AKR1E2: variants seen among roughly 807,000 people sequenced by gnomAD.
AKR1E2 encodes 1,5-anhydro-D-fructose reductase.
A neutral mutation model predicts 41.9 loss-of-function variants in AKR1E2; 43 were observed. The ratio of observed to expected loss-of-function variants is 1.03; its 90% CI spans 0.80 to 1.32. The LOEUF (loss-of-function observed/expected upper bound fraction) is 1.32. Among genes scored for constraint, AKR1E2 ranks in the 40% most tolerant of loss-of-function variants. The pLI is 0.00. For missense variants in AKR1E2, 423 were observed against 396.5 expected (o/e 1.07, Z -0.57); for synonymous variants, 121 against 138.9 (o/e 0.87, Z 0.91).
intron 8 of AKR1E2, chr10:4,845,797 G>A (rs1389341869): frequency 4.2e-6 from 2 of 471,190 alleles, no homozygotes; most frequent in South Asian, 3.1e-5. Flanking sequence ...ACACTGAGGG[G>A]AAATGCCATC....
chr10:4,864,257 C>T, the AKR1E2 span, among the ~76,000 whole-genome samples: 3 of 152,198 alleles, frequency 2.0e-5, no homozygotes, highest in Admixed American at 1.3e-4. Context: ...AAAAGCTTAT[C>T]CACCATGATC....
chr10:4,842,399 T>A (rs934737363), intron 7 of AKR1E2, 22 bp from the exon 8 acceptor site: 1 of 1,610,236 alleles, frequency 6.2e-7, no homozygotes. Flanking sequence ...TGTGTGATAG[T>A]AGACTTTTTG....
intron 5 of AKR1E2, 108 bp from the exon 6 acceptor site, chr10:4,839,621 C>T (rs941715063): frequency 2.0e-5 from 19 of 965,548 alleles, no homozygotes; most frequent in Non-Finnish European, 2.9e-5. Context: ...GGAGCTGGGC[C>T]CCATGGCTAC....
the AKR1E2 span, among the ~76,000 whole-genome samples, chr10:4,863,434 C>T: frequency 5.5e-4 from 84 of 151,998 alleles, no homozygotes; most frequent in Non-Finnish European, 1.0e-3. Flanking sequence ...CACAACATAC[C>T]AGAATCTCTG....
chr10:4,866,118 G>C, the AKR1E2 span, among the ~76,000 whole-genome samples: 9 of 152,146 alleles, frequency 5.9e-5, no homozygotes, highest in Admixed American at 1.3e-4. Context: ...TCACTGTCCA[G>C]GCTAAATAGG....
Position 4,830,662 on chromosome 10 carries a change from G to T in AKR1E2, c.40-13G>T, listed in dbSNP as rs749297595. On this transcript the variant is annotated splice_polypyrimidine_tract_variant and intron_variant, in intron 1 of 9. Transcript: ENST00000298375. ...TGACTGTGAGAAGACACTTTGTTTT[G>T]TTGGTTTTGCAGGCTTCTCCAGGGA... 6 of 1,613,092 alleles carry T rather than the reference G, an allele frequency of 3.7e-6. No homozygotes were observed. The East Asian group carries it at 1.3e-4, about 36-fold the overall frequency.
At chr10:4,849,922 C>T (rs1368766127), downstream of AKR1E2, among the ~76,000 whole-genome samples, 13 of 152,196 alleles carry the variant, frequency 8.5e-5, no homozygotes, top group Non-Finnish European at 4.4e-5. Flanking sequence ...AAGACCTCTT[C>T]AACTTTGTAC....
At chr10:4,863,991 C>T in the AKR1E2 span, among the ~76,000 whole-genome samples, 1 of 152,058 alleles carries the variant, frequency 6.6e-6, no homozygotes. Context: ...CCAAAAAAAG[C>T]CCAGGACCAG....
At chr10:4,853,000 G>A (rs4363494), downstream of AKR1E2, among the ~76,000 whole-genome samples, 61,271 of 151,976 alleles carry the variant, frequency 0.4, 14,524 homozygotes, top group East Asian at 0.68. Flanking sequence ...GAACATTTAG[G>A]AAACCTCAGG....
intron 6 of AKR1E2, among the ~76,000 whole-genome samples, chr10:4,840,365 G>C (rs77905918): frequency 6.6e-6 from 1 of 152,114 alleles, no homozygotes; most frequent in Non-Finnish European, 1.5e-5. Flanking sequence ...TTTGTTTCAT[G>C]ATTTCATTTC....
downstream of AKR1E2, among the ~76,000 whole-genome samples, chr10:4,851,232 C>T (rs1274611618): frequency 1.3e-5 from 2 of 152,324 alleles, no homozygotes; most frequent in East Asian, 3.9e-4. Context: ...AGCATATTTT[C>T]ACAGGACTGA....
chr10:4,833,450 G>T lies in AKR1E2; in HGVS notation c.308G>T (p.Trp103Leu). The T allele has an allele frequency of 1.2e-5, 19 of 1,613,948 alleles. No homozygotes were observed. Among genetic ancestry groups the T allele is most frequent in the Non-Finnish European group, 1.6e-5 (19 of 1,179,830 alleles). Residue 103 changes from tryptophan to leucine, a missense_variant, in exon 3 of 10, where the codon TGG becomes TTG. Transcript: ENST00000298375. ...LNYLDLYLIH[W>L]PMGFKPPHPE... ...TATTTGGACCTCTACCTCATACACT[G>T]GCCCATGGGTTTCAAGGTACCGTTC...
the AKR1E2 span, among the ~76,000 whole-genome samples, chr10:4,853,560 T>G: frequency 1.3e-5 from 2 of 152,192 alleles, no homozygotes. Flanking sequence ...GTGCCCATTG[T>G]GGTCTGGTTA....
Position 4,833,235 on chromosome 10 carries a change from G to A in AKR1E2, c.208-115G>A, listed in dbSNP as rs183448562. ...TCAGAACTTGCCGTGTTGTATTTGT[G>A]GTCATCTCATCTTGGCTATTTTGGG... On this transcript the variant is annotated intron_variant, in intron 2 of 9. Transcript: ENST00000298375. 3.1e-4 allele frequency: 240 copies of A among 774,972 alleles called. No individual in the cohort carries two copies. The African/African-American group carries it at 3.4e-3, about 11-fold the overall frequency. 48.0% of individuals were successfully genotyped at this position (774,972 alleles called of 1,614,324 possible).
the AKR1E2 span, among the ~76,000 whole-genome samples, chr10:4,854,096 T>TG: frequency 0.022 from 2,952 of 133,038 alleles, 125 homozygotes; most frequent in African/African-American, 0.063. Context: ...TTTTTTTTTT[T>TG]TTTTTTTTTT....
At chr10:4,833,298 C>A in intron 2 of AKR1E2, 52 bp from the exon 3 acceptor site, 1 of 1,415,206 alleles carries the variant, frequency 7.1e-7, no homozygotes, top group Non-Finnish European at 1.0e-6. Context: ...AGAATGGGTG[C>A]CATGCTGGCT....
intron 9 of AKR1E2, 108 bp downstream of exon 9, chr10:4,847,338 C>G: frequency 6.4e-7 from 1 of 1,554,838 alleles, no homozygotes; most frequent in Non-Finnish European, 8.7e-7. Flanking sequence ...TAAACTTTCT[C>G]ATTATAATTC....
chr10:4,862,638 G>A, the AKR1E2 span, among the ~76,000 whole-genome samples: 10 of 152,060 alleles, frequency 6.6e-5, no homozygotes, highest in African/African-American at 9.7e-5. Flanking sequence ...CTTTGAAGAG[G>A]TCCTTCACAT....
intron 1 of AKR1E2, among the ~76,000 whole-genome samples, chr10:4,826,626 G>C (rs562955367): frequency 3.3e-5 from 5 of 152,138 alleles, no homozygotes; most frequent in Non-Finnish European, 7.4e-5. Context: ...CTCAGACTCT[G>C]GGGCTGCGGC....
Sources: gnomAD v4.1 joint callset for allele counts (sites outside exome capture counted in the v4.1 genomes callset) on GRCh38, gnomAD v4.1.1 for gene constraint, MANE v1.5 for transcripts, NCBI Gene and HGNC (gene_info 2026-07-23, HGNC 2026-07-21) for gene names.